Variants in FAM169A observed in about 807,000 individuals in gnomAD.
FAM169A encodes soluble lamin-associated protein of 75 kDa.
In FAM169A, 24 loss-of-function variants were observed where a neutral mutation model predicts 75.7. The observed-to-expected ratio is 0.32, with a 90% CI of 0.23 to 0.45. The LOEUF (loss-of-function observed/expected upper bound fraction) is 0.45, where lower values mean the gene tolerates loss of function less well. Ranked by LOEUF, FAM169A falls within the 20% of genes least tolerant of loss-of-function variation. The pLI, the probability that FAM169A is intolerant of heterozygous loss-of-function variation, is 1.00. For synonymous variants in FAM169A, 271 were observed against 271.0 expected (o/e 1.00, Z 0.00); for missense variants, 673 against 784.0 (o/e 0.86, Z 1.69).
At chr5:74,857,058 G>A (rs930290819) in intron 1 of FAM169A, among the ~76,000 whole-genome samples, 71 of 142,202 alleles carry the variant, frequency 5.0e-4, no homozygotes, top group African/African-American at 1.6e-3. Context: ...GCAGTGAGCC[G>A]AGATAGCACC....
chr5:74,854,872 G>A (rs1025443490), intron 1 of FAM169A, among the ~76,000 whole-genome samples: 5 of 152,096 alleles, frequency 3.3e-5, no homozygotes, highest in Admixed American at 6.5e-5. Flanking sequence ...TGACACTCAC[G>A]TTGCTTTCAA....
At chr5:74,857,675 C>T (rs980516465) in intron 1 of FAM169A, among the ~76,000 whole-genome samples, 1 of 138,474 alleles carries the variant, frequency 7.2e-6, no homozygotes, top group African/African-American at 3.0e-5. Flanking sequence ...TTCTGTATAT[C>T]TTTAAAGGGT....
At chr5:74,806,529 A>G (rs2112549783) in intron 6 of FAM169A, among the ~76,000 whole-genome samples, 1 of 152,344 alleles carries the variant, frequency 6.6e-6, no homozygotes, top group African/African-American at 2.4e-5. Context: ...ATGAAAAAGT[A>G]TGATCTATTA....
At chr5:74,786,962 C>T (rs371658470) in intron 11 of FAM169A, among the ~76,000 whole-genome samples, 40 of 152,254 alleles carry the variant, frequency 2.6e-4, no homozygotes, top group African/African-American at 9.1e-4. Context: ...CCAGAAGAAA[C>T]AGCTTCGCCA....
chr5:74,797,304 G>A (rs1746329129), intron 10 of FAM169A, among the ~76,000 whole-genome samples: 1 of 152,156 alleles, frequency 6.6e-6, no homozygotes, highest in Admixed American at 6.5e-5. Flanking sequence ...AGCCTCCTGA[G>A]TAGCTGGGAT....
intron 5 of FAM169A, among the ~76,000 whole-genome samples, chr5:74,830,650 C>T (rs1748265373): frequency 6.6e-6 from 1 of 152,078 alleles, no homozygotes; most frequent in South Asian, 2.1e-4. Flanking sequence ...AGATCATGTA[C>T]CTGTCACCAT....
intron 2 of FAM169A, among the ~76,000 whole-genome samples, chr5:74,840,640 T>G (rs369951518): frequency 1.3e-5 from 2 of 151,418 alleles, no homozygotes; most frequent in African/African-American, 2.4e-5. Flanking sequence ...CCATCCTGGC[T>G]AACACAGTGA....
intron 11 of FAM169A, 65 bp from the exon 12 acceptor site, chr5:74,783,199 T>C: frequency 1.7e-6 from 2 of 1,204,980 alleles, no homozygotes; most frequent in Non-Finnish European, 2.4e-6. Flanking sequence ...TTGTCATGCA[T>C]GACGGGTCCC....
In FAM169A at chr5:74,783,137, A is replaced by T. The variant is rs1745495839; in HGVS notation, c.1261-3T>A. 1.0e-5 allele frequency: 16 copies of T among 1,603,722 alleles called. No homozygotes were observed. The highest frequency in any genetic ancestry group is 1.4e-5 in the Non-Finnish European group (16 of 1,172,852). On this transcript the variant is annotated splice_polypyrimidine_tract_variant and splice_region_variant and intron_variant, in intron 11 of 12. Transcript: ENST00000687041. ...TTCATAGGCTCTAATTCAGATTCCT[A>T]CACCATGAGGAGAGAGGGAAAAAGT...
At chr5:74,862,219 C>T (rs1561331891) in intron 1 of FAM169A, among the ~76,000 whole-genome samples, 2 of 152,156 alleles carry the variant, frequency 1.3e-5, no homozygotes, top group Non-Finnish European at 2.9e-5. Flanking sequence ...GAGAGAGAAC[C>T]CCATTCTGTT....
Position 74,781,975 on chromosome 5 carries a change from C to G in FAM169A, c.1498G>C (p.Asp500His). Residue 500 changes from aspartate (D) to histidine (H), a missense_variant, in exon 13 of 13, where the codon GAT (aspartate) becomes CAT (histidine). By Grantham distance (81) the Asp-to-His change is moderately conservative. Coordinates refer to ENST00000687041, the MANE Select transcript of FAM169A (RefSeq NM_001376049.1). ...PRIPDSEMLM[D>H]EGTSDEKGHM... ...CCCTTTTCATCAGATGTGCCTTCAT[C>G]CATCAACATTTCTGAGTCAGGTATA... 1 of 1,613,138 alleles carries G rather than the reference C, an allele frequency of 6.2e-7. No homozygotes were observed. Among genetic ancestry groups the G allele is most frequent in the South Asian group, 1.1e-5 (1 of 91,052 alleles).
At chr5:74,784,510 CAA>C (rs200414695) in intron 11 of FAM169A, among the ~76,000 whole-genome samples, 2 of 29,864 alleles carry the variant, frequency 6.7e-5, no homozygotes, top group African/African-American at 2.0e-4. Context: ...GACTCCGTCT[CAA>C]AAAAAAAAAA....
intron 11 of FAM169A, among the ~76,000 whole-genome samples, chr5:74,783,462 G>A (rs1320040785): frequency 2.6e-5 from 4 of 152,186 alleles, no homozygotes; most frequent in Admixed American, 1.3e-4. Flanking sequence ...TTCTTAGAGG[G>A]CAATCAGGGA....
chr5:74,792,871 CCATTTGATTGAG>C (rs1345388193), intron 11 of FAM169A, among the ~76,000 whole-genome samples: 1 of 152,162 alleles, frequency 6.6e-6, no homozygotes, highest in Non-Finnish European at 1.5e-5. Flanking sequence ...AGTAGAACTA[CCATTTGATTGAG>C]CAATCCCACT....
chr5:74,820,570 T>C (rs556981025), intron 5 of FAM169A, among the ~76,000 whole-genome samples: 13 of 152,052 alleles, frequency 8.5e-5, no homozygotes, highest in African/African-American at 3.1e-4. Flanking sequence ...TCATAACTAA[T>C]CTCAAACATG....
intron 5 of FAM169A, among the ~76,000 whole-genome samples, chr5:74,824,728 CAT>C (rs1002720411): frequency 1.5e-4 from 23 of 149,504 alleles, no homozygotes; most frequent in East Asian, 5.8e-4. Context: ...CACACACACA[CAT>C]ACACACACAC....
In FAM169A at chr5:74,857,861, C is replaced by T. The variant is rs568749480; in HGVS notation, c.-4+8304G>A. ...CCCATTGTAAGTACTGTCACAGGCA[C>T]AAGAACTTCCCTTGGGTCTATCCAA... is the stretch of plus-strand genomic sequence containing the variant. On this transcript the variant is annotated intron_variant, in intron 1 of 12. Transcript: ENST00000687041. Among the ~76,000 whole-genome samples the T allele has an allele frequency of 1.2e-3, 188 of 152,214 alleles. 3 individuals carry two copies. In the South Asian group the frequency reaches 0.039, roughly 31 times the overall value.
intron 1 of FAM169A, among the ~76,000 whole-genome samples, chr5:74,859,565 G>C (rs1389796557): frequency 6.6e-6 from 1 of 152,096 alleles, no homozygotes; most frequent in Non-Finnish European, 1.5e-5. Context: ...TGGGATTACA[G>C]GCGTGAGCCA....
rs376813747 is a variant in FAM169A at position 74,781,951 on chromosome 5, C to T, written c.1522G>A (p.Gly508Arg). ...AGGGACAATTTCTCTTCCATGTGCC[C>T]CTTTTCATCAGATGTGCCTTCATCC... ...LMDEGTSDEKGHMEEKLSLLP... is the reference protein window; with the variant it reads ...LMDEGTSDEKRHMEEKLSLLP... The change falls in exon 13 of 13, where the codon GGG (glycine) becomes AGG (arginine). Residue 508 changes from glycine to arginine, a missense_variant. Coordinates refer to ENST00000687041, the MANE Select transcript of FAM169A (RefSeq NM_001376049.1). The T allele has an allele frequency of 4.9e-5, 79 of 1,613,910 alleles. No homozygotes were observed. Among genetic ancestry groups the T allele is most frequent in the Non-Finnish European group, 6.5e-5 (77 of 1,179,966 alleles).
Sources: gnomAD v4.1 joint callset for allele counts (sites outside exome capture counted in the v4.1 genomes callset) on GRCh38, gnomAD v4.1.1 for gene constraint, MANE v1.5 for transcripts, NCBI Gene and HGNC (gene_info 2026-07-23, HGNC 2026-07-21) for gene names.